Variants in NME7 observed in about 807,000 individuals in gnomAD.
NME7 encodes the protein NME/NM23 family member 7.
Under a neutral mutation model 49.1 loss-of-function variants are expected in NME7, and 41 were observed. The ratio of observed to expected loss-of-function variants is 0.83; its 90% CI spans 0.65 to 1.08. NME7 has a LOEUF of 1.08. NME7 is among the 50% of genes least tolerant of loss of function. NME7 has a pLI of 0.00. For synonymous variants in NME7, 139 were observed against 150.6 expected (o/e 0.92, Z 0.56); for missense variants, 423 against 463.4 (o/e 0.91, Z 0.80).
At chr1:169,217,792 T>C (rs1351402290) in intron 10 of NME7, among the ~76,000 whole-genome samples, 1 of 152,216 alleles carries the variant, frequency 6.6e-6, no homozygotes, top group Non-Finnish European at 1.5e-5. Context: ...TTGCATGGTG[T>C]AGCCTTTTTG....
intron 6 of NME7, among the ~76,000 whole-genome samples, chr1:169,295,787 T>C (rs1650684314): frequency 6.6e-6 from 1 of 152,152 alleles, no homozygotes; most frequent in Non-Finnish European, 1.5e-5. Context: ...ATCTATTCCT[T>C]TTCCAGATCA....
At chr1:169,297,929 A>G (rs970657494) in intron 6 of NME7, among the ~76,000 whole-genome samples, 1 of 152,224 alleles carries the variant, frequency 6.6e-6, no homozygotes, top group Non-Finnish European at 1.5e-5. Context: ...ATGAAATGGT[A>G]GGAAAAAGAA....
intron 1 of NME7, among the ~76,000 whole-genome samples, chr1:169,344,165 A>G (rs933868715): frequency 6.6e-6 from 1 of 152,152 alleles, no homozygotes; most frequent in African/African-American, 2.4e-5. Context: ...AAGTGGAGTT[A>G]ATTTCTTAAT....
rs191810712 is a variant in NME7 at position 169,287,434 on chromosome 1, A to T, written c.649-26T>A. 6.7e-6 allele frequency: 10 copies of T among 1,484,074 alleles called. No individual in the cohort carries two copies. The Admixed American group carries it at 2.0e-4, about 30-fold the overall frequency. The allele number at this position is 1,484,074 out of a possible 1,614,324, so 91.9% of individuals were successfully genotyped here. The stretch of plus-strand genomic sequence containing the variant: ...CTAAAGACAGAGAGAAATGATTTTG[A>T]CAAATGTGATCTCTTATCTTGAACT... On this transcript the variant is annotated intron_variant, in intron 6 of 11. Coordinates refer to ENST00000367811, the MANE Select transcript of NME7 (RefSeq NM_013330.5).
intron 10 of NME7, among the ~76,000 whole-genome samples, chr1:169,210,772 G>C (rs1482861203): frequency 1.3e-5 from 2 of 152,118 alleles, no homozygotes; most frequent in Non-Finnish European, 2.9e-5. Context: ...TGTAATCAGA[G>C]GCAATATAAT....
At chr1:169,316,140 A>C (rs1249883711) in intron 3 of NME7, among the ~76,000 whole-genome samples, 2 of 152,056 alleles carry the variant, frequency 1.3e-5, no homozygotes, top group African/African-American at 4.8e-5. Flanking sequence ...ATTGGTGAAC[A>C]AATGTTTAGG....
chr1:169,310,280 G>A (rs1437091445), intron 3 of NME7, among the ~76,000 whole-genome samples, 200 bp from the exon 4 acceptor site: 1 of 151,866 alleles, frequency 6.6e-6, no homozygotes, highest in Non-Finnish European at 1.5e-5. Context: ...ATCAAAATTA[G>A]ATACTAAACT....
intron 1 of NME7, among the ~76,000 whole-genome samples, chr1:169,346,593 C>T (rs1422376030): frequency 1.3e-5 from 2 of 152,212 alleles, no homozygotes; most frequent in Non-Finnish European, 2.9e-5. Flanking sequence ...CATTACCCTG[C>T]TCATTTTTTT....
chr1:169,248,004 T>C (rs1439546049), intron 7 of NME7, among the ~76,000 whole-genome samples: 1 of 152,192 alleles, frequency 6.6e-6, no homozygotes, highest in Admixed American at 6.6e-5. Context: ...TACTGAGTAG[T>C]GGGATTGCTG....
intron 1 of NME7, among the ~76,000 whole-genome samples, chr1:169,336,097 C>T (rs997066921): frequency 1.3e-5 from 2 of 151,872 alleles, no homozygotes; most frequent in African/African-American, 4.8e-5. Context: ...TTCGTGGTCT[C>T]GCTGGCTCAG....
rs1306347037 is a variant in NME7 at position 169,189,761 on chromosome 1, G to A, written c.991-20207C>T. 3.9e-5 allele frequency among the ~76,000 whole-genome samples: 6 copies of A among 152,256 alleles called. No homozygotes were observed. In the East Asian group the frequency reaches 7.7e-4, roughly 20 times the overall value. On this transcript the variant is annotated intron_variant, in intron 10 of 11. Transcript: ENST00000367811. Reference sequence around the variant, plus strand: ...ATATTCATTCTCAATTAAAATTCATGTGAGTTGCTTCATGTACTGTTTGTA... The same window carrying A: ...ATATTCATTCTCAATTAAAATTCATATGAGTTGCTTCATGTACTGTTTGTA...
At chr1:169,248,880 T>G (rs896075087) in intron 7 of NME7, among the ~76,000 whole-genome samples, 7 of 124,710 alleles carry the variant, frequency 5.6e-5, no homozygotes, top group African/African-American at 1.6e-4. Flanking sequence ...ACTACAGCCT[T>G]GTGGCAAACA....
chr1:169,177,269 C>A (rs762597790), intron 10 of NME7, among the ~76,000 whole-genome samples: 6 of 152,150 alleles, frequency 3.9e-5, no homozygotes, highest in Non-Finnish European at 1.5e-5. Context: ...CTAATATATA[C>A]CCTGTATCAG....
chr1:169,185,781 C>T (rs1406839394), intron 10 of NME7, among the ~76,000 whole-genome samples: 1 of 152,108 alleles, frequency 6.6e-6, no homozygotes, highest in South Asian at 2.1e-4. Flanking sequence ...GTGCCAAGTA[C>T]ATAATAGGTG....
At chr1:169,180,787 AT>A (rs1281949599) in intron 10 of NME7, among the ~76,000 whole-genome samples, 8 of 152,218 alleles carry the variant, frequency 5.3e-5, no homozygotes, top group Non-Finnish European at 7.3e-5. Flanking sequence ...AATAAAAATT[AT>A]TAATGAGCTT....
chr1:169,147,445 A>G (rs1191748937), intron 11 of NME7, among the ~76,000 whole-genome samples: 1 of 152,170 alleles, frequency 6.6e-6, no homozygotes, highest in Non-Finnish European at 1.5e-5. Context: ...GTGCTCTGTT[A>G]TGTTCTAGCT....
chr1:169,352,104 C>T (rs1653194065), intron 1 of NME7, among the ~76,000 whole-genome samples: 1 of 151,240 alleles, frequency 6.6e-6, no homozygotes, highest in Admixed American at 6.6e-5. Context: ...CAAAACCAGA[C>T]AACAACACAT....
chr1:169,274,658 G>C lies in NME7; in HGVS notation c.754+12645C>G, dbSNP rs1196609866. ...TAATTTTTGTATAAGGTGTAAGGAA[G>C]GGATCCAGTTTCAGCTTTCTACATA... is the stretch of plus-strand genomic sequence containing the variant. On this transcript the variant is annotated intron_variant, in intron 7 of 11. Coordinates refer to ENST00000367811, the MANE Select transcript of NME7 (RefSeq NM_013330.5). 1.5e-5 allele frequency among the ~76,000 whole-genome samples: 2 copies of C among 133,736 alleles called. 1 individual carries two copies. Among genetic ancestry groups the C allele is most frequent in the Non-Finnish European group, 3.5e-5 (2 of 56,900 alleles). 87.7% of individuals were successfully genotyped at this position (133,736 alleles called of 152,430 possible).
chr1:169,359,204 G>C (rs10465575), intron 1 of NME7, among the ~76,000 whole-genome samples: 97,350 of 151,896 alleles, frequency 0.64, 31,477 homozygotes, highest in East Asian at 0.93. Flanking sequence ...CTTACAACAC[G>C]TAATACAATG....
Sources: allele counts gnomAD v4.1 joint callset (sites outside exome capture counted in the v4.1 genomes callset), GRCh38; gene constraint gnomAD v4.1.1; transcripts MANE v1.5; gene names NCBI Gene and HGNC (gene_info 2026-07-23, HGNC 2026-07-21).